CD38: variants seen among roughly 807,000 people sequenced by gnomAD.
CD38 encodes the protein ADP-ribosyl cyclase/cyclic ADP-ribose hydrolase 1.
CD38 carries 31 observed loss-of-function variants against 36.3 expected under a neutral mutation model. That is an observed-to-expected ratio of 0.85 (90% CI 0.64 to 1.15). The LOEUF (loss-of-function observed/expected upper bound fraction) is 1.15, where lower values mean the gene tolerates loss of function less well. Among genes scored for constraint, CD38 ranks in the 50% most tolerant of loss-of-function variants. CD38 has a pLI of 0.00. For synonymous variants in CD38, 131 were observed against 135.2 expected (o/e 0.97, Z 0.22); for missense variants, 380 against 371.9 (o/e 1.02, Z -0.18).
At chr4:15,815,001 T>A (rs1723555667) in intron 1 of CD38, among the ~76,000 whole-genome samples, 3 of 152,052 alleles carry the variant, frequency 2.0e-5, no homozygotes, top group Non-Finnish European at 4.4e-5. Context: ...GAGATGGGGT[T>A]TCACCATGTT....
chr4:15,790,469 C>T (rs1464838931), intron 1 of CD38, among the ~76,000 whole-genome samples: 1 of 151,972 alleles, frequency 6.6e-6, no homozygotes, highest in Non-Finnish European at 1.5e-5. Flanking sequence ...GAGTCTCGTT[C>T]ACTCGGTGCT....
chr4:15,840,236 G>C (rs1228946917), intron 6 of CD38, 118 bp downstream of exon 6: 1 of 793,956 alleles, frequency 1.3e-6, no homozygotes, highest in Admixed American at 2.0e-5. Flanking sequence ...ACATGAATGT[G>C]CATGAATCCC....
intron 7 of CD38, among the ~76,000 whole-genome samples, chr4:15,841,623 G>A (rs1003465798): frequency 2.0e-5 from 3 of 150,290 alleles, no homozygotes; most frequent in Non-Finnish European, 4.4e-5. Context: ...GAAGACGGGT[G>A]ATTTCTGCAT....
In CD38 at chr4:15,778,367, GCCT is replaced by G; in HGVS notation, c.-44_-42del. ...CAGCCAGCCTCTCTCTTGCTGCCTA[GCCT>G]CCTGCCGGCCTCATCTTCGCCCAGC... On this transcript the variant is annotated 5_prime_UTR_variant, in exon 1 of 8. Coordinates refer to ENST00000226279, the MANE Select transcript of CD38 (RefSeq NM_001775.4). The surrounding 1 kb of genome is among the most constrained non-coding windows in gnomAD (Gnocchi z 4.9). 1 of 1,281,108 alleles carries G rather than the reference GCCT, an allele frequency of 7.8e-7. No individual in the cohort carries two copies. The highest frequency in any genetic ancestry group is 1.1e-6 in the Non-Finnish European group (1 of 880,618). The allele number at this position is 1,281,108 out of a possible 1,614,324, so 79.4% of individuals were successfully genotyped here. A position where few individuals can be genotyped will look rare whatever the true frequency, so the allele number is the denominator to read the frequency against.
At position 15,788,132 on chromosome 4, in the gene CD38, C is replaced by T. The variant is rs528733307; in HGVS notation, c.233+9485C>T. ...CTGACTGATCTCCTATATTTGATCT[C>T]ACCTTAACAATCACTTCTTAGAGCT... On this transcript the variant is annotated intron_variant, in intron 1 of 7. Coordinates refer to ENST00000226279, the MANE Select transcript of CD38 (RefSeq NM_001775.4). Among the ~76,000 whole-genome samples, 3 of 152,316 alleles carry T rather than the reference C, an allele frequency of 2.0e-5. No individual in the cohort carries two copies. In the East Asian group the frequency reaches 5.8e-4, roughly 29 times the overall value.
intron 1 of CD38, among the ~76,000 whole-genome samples, chr4:15,780,940 C>G (rs1408165175): frequency 6.6e-6 from 1 of 152,086 alleles, no homozygotes; most frequent in Non-Finnish European, 1.5e-5. Flanking sequence ...GAAACTCCGT[C>G]TCTACTAAAA....
chr4:15,842,117 A>T (rs1724226509), intron 7 of CD38, among the ~76,000 whole-genome samples: 1 of 116,214 alleles, frequency 8.6e-6, no homozygotes, highest in Non-Finnish European at 1.7e-5. Context: ...GGGCACAGAC[A>T]AACAAAAAGA....
intron 1 of CD38, among the ~76,000 whole-genome samples, chr4:15,794,978 A>T (rs1258349865): frequency 6.6e-6 from 1 of 152,218 alleles, no homozygotes; most frequent in African/African-American, 2.4e-5. Flanking sequence ...AGAGGGAATG[A>T]ATAGTGTTGA....
chr4:15,814,290 G>A (rs1310865783), intron 1 of CD38, among the ~76,000 whole-genome samples: 1 of 152,084 alleles, frequency 6.6e-6, no homozygotes, highest in African/African-American at 2.4e-5. Context: ...CTTTTTGATG[G>A]GGTTGTTTTT....
Position 15,778,639 on chromosome 4 carries a change from T to A in CD38, c.225T>A (p.Pro75=). Residue 75 remains proline, a synonymous_variant, in exon 1 of 8, where the codon CCT becomes CCA. Coordinates refer to ENST00000226279, the MANE Select transcript of CD38 (RefSeq NM_001775.4). The surrounding 1 kb of genome is among the most constrained non-coding windows in gnomAD (Gnocchi z 4.9). ...GCGTCAAGTACACTGAAATTCATCC[T>A]GAGATGAGGTGGGTTGGCGACTAAG... ...ARCVKYTEIH[P]EMRHVDCQSV... 6.2e-7 allele frequency: 1 copy of A among 1,608,392 alleles called. No individual in the cohort carries two copies. The highest frequency in any genetic ancestry group is 8.5e-7 in the Non-Finnish European group (1 of 1,175,230).
In CD38 at chr4:15,851,707, C is replaced by T. The variant is rs1724390101; in HGVS notation, c.*3105C>T. 1 of 152,198 alleles carries T rather than the reference C, an allele frequency of 6.6e-6. No homozygotes were observed. Among genetic ancestry groups the T allele is most frequent in the South Asian group, 2.1e-4 (1 of 4,832 alleles). 9.4% of individuals were successfully genotyped at this position (152,198 alleles called of 1,614,324 possible). A position where few individuals can be genotyped will look rare whatever the true frequency, so the allele number is the denominator to read the frequency against. ...CAGTCATATGATACATACACAAACACACGCACACAAGCCTGCATACATCAT... is the reference window on the plus strand; with the variant it reads ...CAGTCATATGATACATACACAAACATACGCACACAAGCCTGCATACATCAT... On this transcript the variant is annotated 3_prime_UTR_variant, in exon 8 of 8. Transcript: ENST00000226279.
chr4:15,809,148 T>C (rs1243491069), intron 1 of CD38, among the ~76,000 whole-genome samples: 1 of 152,224 alleles, frequency 6.6e-6, no homozygotes, highest in Non-Finnish European at 1.5e-5. Context: ...ACTTGGTAAA[T>C]GCTAATTGTT....
chr4:15,823,171 A>G (rs1332162381), intron 2 of CD38, among the ~76,000 whole-genome samples: 1 of 152,106 alleles, frequency 6.6e-6, no homozygotes, highest in Non-Finnish European at 1.5e-5. Context: ...AACTCATACA[A>G]AAATTAAGAT....
intron 1 of CD38, among the ~76,000 whole-genome samples, chr4:15,794,380 G>C (rs991555063): frequency 6.6e-6 from 1 of 152,178 alleles, no homozygotes; most frequent in Non-Finnish European, 1.5e-5. Flanking sequence ...TGGAGATGTT[G>C]ACCAGAAGAC....
At chr4:15,780,536 A>ACACACACACACACACACACG (rs60113652) in intron 1 of CD38, among the ~76,000 whole-genome samples, 2,790 of 148,746 alleles carry the variant, frequency 0.019, 111 homozygotes, top group African/African-American at 0.065. Context: ...ACACACACAC[A>ACACACACACACACACACACG]CACACACACA....
chr4:15,820,763 A>G (rs1211569565), intron 2 of CD38, among the ~76,000 whole-genome samples: 2 of 152,170 alleles, frequency 1.3e-5, no homozygotes, highest in African/African-American at 2.4e-5. Context: ...TCCCACTGTC[A>G]ATATTAGACA....
intron 1 of CD38, among the ~76,000 whole-genome samples, chr4:15,815,429 C>A (rs750006437): frequency 4.0e-5 from 6 of 151,862 alleles, no homozygotes; most frequent in Admixed American, 6.6e-5. Flanking sequence ...TGTTTGTGTC[C>A]TTTATTTCCT....
chr4:15,838,519 C>T (rs1337288864), intron 5 of CD38, among the ~76,000 whole-genome samples: 1 of 152,134 alleles, frequency 6.6e-6, no homozygotes, highest in Non-Finnish European at 1.5e-5. Context: ...GACCTGCCTC[C>T]CCTGCTCCCC....
intron 3 of CD38, among the ~76,000 whole-genome samples, chr4:15,831,668 C>T (rs1043204032): frequency 4.6e-5 from 7 of 152,094 alleles, no homozygotes; most frequent in Non-Finnish European, 1.0e-4. Flanking sequence ...ACTGAAACTC[C>T]CTTGTATGCT....
Sources: gnomAD v4.1 joint callset for allele counts (sites outside exome capture counted in the v4.1 genomes callset) on GRCh38, gnomAD v4.1.1 for gene constraint, Gnocchi (gnomAD v3.1) non-coding constraint, MANE v1.5 for transcripts, NCBI Gene and HGNC (gene_info 2026-07-23, HGNC 2026-07-21) for gene names.